Variants in TRPC5 observed in about 807,000 individuals in gnomAD.
TRPC5 encodes the protein short transient receptor potential channel 5.
Under a neutral mutation model 56.5 loss-of-function variants are expected in TRPC5, and 9 were observed. The ratio of observed to expected loss-of-function variants is 0.16; its 90% CI spans 0.10 to 0.28. TRPC5 has a LOEUF of 0.28. Ranked by LOEUF, TRPC5 falls within the 10% of genes least tolerant of loss-of-function variation. The pLI, the probability that TRPC5 is intolerant of heterozygous loss-of-function variation, is 1.00. For synonymous variants in TRPC5, 282 were observed against 278.5 expected, an observed-to-expected ratio of 1.01 and a Z score of -0.13; for missense variants, 469 against 748.9, an observed-to-expected ratio of 0.63 and a Z score of 4.36.
At chrX:111,985,773 A>G (rs1216560871) in intron 1 of TRPC5, among the ~76,000 whole-genome samples, 1 of 112,145 alleles carries the variant, frequency 8.9e-6, no homozygotes, top group Non-Finnish European at 1.9e-5. Context: ...TAAGTAGTTA[A>G]TACCATAGGT....
intron 2 of TRPC5, among the ~76,000 whole-genome samples, chrX:111,917,547 T>C (rs193105489): frequency 9.8e-5 from 11 of 112,276 alleles, no homozygotes; most frequent in African/African-American, 3.6e-4. Flanking sequence ...AAAAGTTCAG[T>C]TTTGTGCTTG....
chrX:111,877,097 G>A (rs1170459604), intron 3 of TRPC5, among the ~76,000 whole-genome samples: 1 of 111,781 alleles, frequency 8.9e-6, no homozygotes, highest in African/African-American at 3.3e-5. Context: ...AAAGGGATGG[G>A]AGTAGGGTGA....
chrX:111,809,394 C>T (rs1921626020), intron 7 of TRPC5, among the ~76,000 whole-genome samples: 1 of 111,412 alleles, frequency 9.0e-6, no homozygotes, highest in South Asian at 3.8e-4. Flanking sequence ...GGGGTTAGCC[C>T]AGCTCACTGG....
chrX:111,818,827 C>T (rs1921943336), intron 7 of TRPC5, among the ~76,000 whole-genome samples: 1 of 110,458 alleles, frequency 9.1e-6, no homozygotes, highest in Non-Finnish European at 1.9e-5. Flanking sequence ...TGGTCTCGAA[C>T]TCCTGACCTC....
intron 1 of TRPC5, among the ~76,000 whole-genome samples, chrX:111,984,388 G>A (rs747768638): frequency 6.3e-5 from 7 of 111,925 alleles, no homozygotes; most frequent in South Asian, 3.7e-4. Context: ...ATAAGATGGA[G>A]TAACACACTC....
chrX:112,023,096 G>A (rs1204007427), intron 1 of TRPC5, among the ~76,000 whole-genome samples: 4 of 109,370 alleles, frequency 3.7e-5, no homozygotes, highest in Admixed American at 1.9e-4. Context: ...CACCATGCCC[G>A]GCTAATTTTT....
chrX:111,907,338 G>T (rs1925663654), intron 3 of TRPC5, among the ~76,000 whole-genome samples: 1 of 111,172 alleles, frequency 9.0e-6, no homozygotes, highest in Admixed American at 9.6e-5. Flanking sequence ...AACATAATGC[G>T]AGCATAGGAC....
rs58225514 is a variant in TRPC5, at chrX:111,828,321, C to T, written c.1896+6600G>A. ...GTAATTGAATCATGGGGGTTGTTTTCCCCATGCTGTTCTCATTATAGTGAA... is the reference window on the plus strand; with the variant it reads ...GTAATTGAATCATGGGGGTTGTTTTTCCCATGCTGTTCTCATTATAGTGAA... On this transcript the variant is annotated intron_variant, in intron 7 of 10. Transcript: ENST00000262839. Among the ~76,000 whole-genome samples, 937 of 111,249 alleles carry T rather than the reference C, an allele frequency of 8.4e-3. 13 individuals are homozygous for T. Among genetic ancestry groups the T allele is most frequent in the African/African-American group, 0.029 (891 of 30,528 alleles).
At chrX:112,005,446 G>T (rs1928810718) in intron 1 of TRPC5, among the ~76,000 whole-genome samples, 1 of 94,842 alleles carries the variant, frequency 1.1e-5, no homozygotes, top group African/African-American at 4.4e-5. Flanking sequence ...ATGTACCCCT[G>T]AAACTGAACC....
chrX:111,929,713 A>G (rs951527953), intron 2 of TRPC5, among the ~76,000 whole-genome samples: 1 of 112,443 alleles, frequency 8.9e-6, no homozygotes, highest in Admixed American at 9.4e-5. Flanking sequence ...GAAGAATTTC[A>G]AAATATTGCT....
At chrX:111,786,823 C>T (rs950252306) in intron 7 of TRPC5, among the ~76,000 whole-genome samples, 3 of 111,424 alleles carry the variant, frequency 2.7e-5, no homozygotes, top group African/African-American at 6.5e-5. Flanking sequence ...CAAAGAAGGC[C>T]ATTACATAAT....
chrX:111,994,171 A>G (rs1291808534), intron 1 of TRPC5, among the ~76,000 whole-genome samples: 1 of 111,743 alleles, frequency 8.9e-6, no homozygotes, highest in Non-Finnish European at 1.9e-5. Context: ...TCCTTTCCCC[A>G]TTTCTTGTTT....
At chrX:111,784,061 G>A (rs185273012) in intron 7 of TRPC5, among the ~76,000 whole-genome samples, 69 of 111,582 alleles carry the variant, frequency 6.2e-4, no homozygotes, top group African/African-American at 2.0e-3. Flanking sequence ...CCCCTTTGCC[G>A]AACATCAGTG....
At chrX:112,065,445 C>G (rs1359600055) in intron 1 of TRPC5, among the ~76,000 whole-genome samples, 1 of 112,192 alleles carries the variant, frequency 8.9e-6, no homozygotes, top group African/African-American at 3.2e-5. Context: ...ATCAATACAG[C>G]CTCTAACAAT....
intron 7 of TRPC5, among the ~76,000 whole-genome samples, chrX:111,827,001 G>C (rs1922257431): frequency 8.9e-6 from 1 of 111,797 alleles, no homozygotes; most frequent in South Asian, 3.8e-4. Flanking sequence ...TTGCCTTCAA[G>C]GTAAGTGTCA....
At chrX:111,899,057 A>C (rs1383105951) in intron 3 of TRPC5, among the ~76,000 whole-genome samples, 4 of 110,676 alleles carry the variant, frequency 3.6e-5, no homozygotes, top group Non-Finnish European at 7.6e-5. Context: ...ACTCTTTCTT[A>C]TTATTGGAAT....
intron 1 of TRPC5, among the ~76,000 whole-genome samples, chrX:112,053,403 G>A (rs1930265468): frequency 8.9e-6 from 1 of 111,770 alleles, no homozygotes; most frequent in South Asian, 3.8e-4. Context: ...CGGTGTTGTA[G>A]TGAGGACTAA....
At chrX:111,953,642 G>T (rs1408226219) in intron 1 of TRPC5, among the ~76,000 whole-genome samples, 1 of 111,856 alleles carries the variant, frequency 8.9e-6, no homozygotes, top group Non-Finnish European at 1.9e-5. Flanking sequence ...ACCTATTCCA[G>T]TGTCTTTCAT....
At chrX:111,795,776 T>G (rs1921068720) in intron 7 of TRPC5, among the ~76,000 whole-genome samples, 1 of 111,920 alleles carries the variant, frequency 8.9e-6, no homozygotes, top group African/African-American at 3.2e-5. Flanking sequence ...TAAGATTTTG[T>G]CCATTATTTC....
Sources: allele counts gnomAD v4.1 joint callset (sites outside exome capture counted in the v4.1 genomes callset), GRCh38; gene constraint gnomAD v4.1.1; transcripts MANE v1.5; gene names NCBI Gene and HGNC (gene_info 2026-07-23, HGNC 2026-07-21).